MYCBPAP: variants seen among roughly 807,000 people sequenced by gnomAD.
MYCBPAP encodes the protein MYCBP associated protein, also known as MYCBP-associated protein.
A neutral mutation model predicts 106.1 loss-of-function variants in MYCBPAP; 60 were observed. The ratio of observed to expected loss-of-function variants is 0.57; its 90% CI spans 0.46 to 0.70. The LOEUF (loss-of-function observed/expected upper bound fraction) is 0.70. MYCBPAP is among the 30% of genes least tolerant of loss of function. The pLI is 0.00. For synonymous variants in MYCBPAP, 407 were observed against 440.6 expected, an observed-to-expected ratio of 0.92 and a Z score of 0.95; for missense variants, 1,064 against 1,169.3, an observed-to-expected ratio of 0.91 and a Z score of 1.31.
intron 16 of MYCBPAP, 88 bp from the exon 17 acceptor site, chr17:50,528,607 C>T: frequency 1.4e-5 from 22 of 1,526,432 alleles, no homozygotes; most frequent in Non-Finnish European, 1.5e-5. Flanking sequence ...CTTTGCTTTT[C>T]CACCTCCCCT....
At chr17:50,526,300 G>T in intron 14 of MYCBPAP, 33 bp downstream of exon 14, 1 of 1,544,422 alleles carries the variant, frequency 6.5e-7, no homozygotes, top group East Asian at 2.2e-5. Flanking sequence ...CAATGGTAGA[G>T]AATATTCCTG....
chr17:50,522,263 G>C (rs1044499601), intron 10 of MYCBPAP, 182 bp downstream of exon 10: 2 of 527,580 alleles, frequency 3.8e-6, no homozygotes, highest in Non-Finnish European at 6.9e-6. Flanking sequence ...TCACAAGGCT[G>C]CGAGTGTCAT....
chr17:50,510,533 A>ATATATG (rs1567879382), intron 1 of MYCBPAP: 1 of 130,918 alleles, frequency 7.6e-6, no homozygotes, highest in Non-Finnish European at 1.6e-5. Flanking sequence ...ATATATATAT[A>ATATATG]TATGTATTTT....
At position 50,508,962 on chromosome 17, in the gene MYCBPAP, G is replaced by A. The variant is rs1038439132; in HGVS notation, c.76+212G>A. 4.3e-6 allele frequency: 3 copies of A among 704,914 alleles called. No homozygotes were observed. The African/African-American group carries it at 5.2e-5, about 12-fold the overall frequency. The allele number at this position is 704,914 out of a possible 1,614,324, so 43.7% of individuals were successfully genotyped here. On this transcript the variant is annotated intron_variant, in intron 1 of 18. Transcript: ENST00000323776. ...ACTGGGCCTTGGGGATGGGGACATA[G>A]GAAGTGGGAGACTGACAGAGGGGCC...
chr17:50,512,086 C>T (rs917181214), intron 1 of MYCBPAP, among the ~76,000 whole-genome samples: 1 of 145,610 alleles, frequency 6.9e-6, no homozygotes, highest in South Asian at 2.2e-4. Flanking sequence ...GAGTCTTGCT[C>T]TGTCGCCCAG....
intron 7 of MYCBPAP, 120 bp downstream of exon 7, chr17:50,519,907 C>A: frequency 8.5e-7 from 1 of 1,173,282 alleles, no homozygotes; most frequent in Non-Finnish European, 1.2e-6. Flanking sequence ...CTCTGTGGTT[C>A]TCTGGGGTCT....
At chr17:50,524,299 C>T (rs1420270933) in intron 12 of MYCBPAP, among the ~76,000 whole-genome samples, 8 of 152,184 alleles carry the variant, frequency 5.3e-5, no homozygotes, top group Non-Finnish European at 1.2e-4. Flanking sequence ...CCATTTGAGC[C>T]GTGCATCCTG....
Position 50,525,659 on chromosome 17 carries a change from C to CTCTT in MYCBPAP, c.1783-221_1783-220insCTTT, listed in dbSNP as rs57947501. Among the ~76,000 whole-genome samples the CTCTT allele has an allele frequency of 1.9e-3, 251 of 131,370 alleles. 16 individuals are homozygous for CTCTT. The highest frequency in any genetic ancestry group is 8.1e-3 in the Middle Eastern group (2 of 246). The allele number at this position is 131,370 out of a possible 152,430, so 86.2% of individuals were successfully genotyped here. ...ACATCACCATGCTCAGCTAATTTCT[C>CTCTT]TTTTTTTTTTTGGTAGAGATAGGAT... is the stretch of plus-strand genomic sequence containing the variant. On this transcript the variant is annotated intron_variant, in intron 13 of 18. Transcript: ENST00000323776.
Position 50,516,712 on chromosome 17 carries a change from C to T in MYCBPAP, c.204+15C>T, listed in dbSNP as rs1567884688. On this transcript the variant is annotated intron_variant, in intron 2 of 18. Coordinates refer to ENST00000323776, the MANE Select transcript of MYCBPAP (RefSeq NM_032133.6). ...ACTTGAAGGAGGTGAGGATGAAGCCCAAGCTTCCCTTACCATAGAAACGTT... is the reference window on the plus strand; with the variant it reads ...ACTTGAAGGAGGTGAGGATGAAGCCTAAGCTTCCCTTACCATAGAAACGTT... The T allele has an allele frequency of 2.5e-6, 4 of 1,613,410 alleles. No individual in the cohort carries two copies. The highest frequency in any genetic ancestry group is 1.7e-6 in the Non-Finnish European group (2 of 1,179,696).
chr17:50,512,639 CTA>C (rs2143899469), intron 1 of MYCBPAP, among the ~76,000 whole-genome samples: 1 of 152,292 alleles, frequency 6.6e-6, no homozygotes, highest in South Asian at 2.1e-4. Flanking sequence ...ACTCCTCTAG[CTA>C]TGATTGGTGT....
chr17:50,521,943 G>A, intron 9 of MYCBPAP, 30 bp from the exon 10 acceptor site: 1 of 1,603,266 alleles, frequency 6.2e-7, no homozygotes, highest in Non-Finnish European at 8.5e-7. Context: ...GGCAGCCTAA[G>A]AGAAAATAAG....
chr17:50,522,804 A>G, intron 10 of MYCBPAP, 135 bp from the exon 11 acceptor site: 1 of 732,156 alleles, frequency 1.4e-6, no homozygotes, highest in Admixed American at 2.9e-5. Context: ...TCTGTGTGAC[A>G]GTGGCCAAGC....
chr17:50,510,692 ATTTTTTT>A (rs56894700), intron 1 of MYCBPAP, among the ~76,000 whole-genome samples: 11 of 111,160 alleles, frequency 9.9e-5, no homozygotes, highest in Non-Finnish European at 1.2e-4. Context: ...TGCCTGGCAA[ATTTTTTT>A]TTTTTTTTTT....
At chr17:50,527,469 C>A in intron 15 of MYCBPAP, 61 bp downstream of exon 15, 1 of 1,599,724 alleles carries the variant, frequency 6.3e-7, no homozygotes, top group South Asian at 1.1e-5. Context: ...TGCAGGGGTC[C>A]TGGGCAGGCA....
intron 7 of MYCBPAP, 49 bp from the exon 8 acceptor site, chr17:50,521,061 A>G: frequency 6.7e-7 from 1 of 1,485,212 alleles, no homozygotes; most frequent in Non-Finnish European, 9.3e-7. Context: ...TGGGTGAGCA[A>G]GGGGACATGG....
chr17:50,522,866 G>C (rs529685687), intron 10 of MYCBPAP, 73 bp from the exon 11 acceptor site: 1 of 1,489,500 alleles, frequency 6.7e-7, no homozygotes, highest in South Asian at 1.3e-5. Context: ...AAAAGTCCTG[G>C]GCAGACCAGA....
At position 50,528,757 on chromosome 17, in the gene MYCBPAP, C is replaced by T. The variant is rs141898450; in HGVS notation, c.2470C>T (p.Arg824Trp). The stretch of plus-strand genomic sequence containing the variant: ...TGTGGGGAAAGCTGGGAAGGAGGAG[C>T]GGAAAGGAGCAGCCCAGGAAAAGAA... ...VPVGKAGKEE[R>W]KGAAQEKKQL... Residue 824 changes from arginine to tryptophan, a missense_variant, in exon 17 of 19, where the codon CGG becomes TGG. Physicochemically the swap from Arg to Trp is moderately radical, Grantham distance 101. Transcript: ENST00000323776. The T allele has an allele frequency of 2.8e-4, 456 of 1,613,922 alleles. 5 individuals are homozygous for T. The East Asian group carries it at 3.0e-3, about 11-fold the overall frequency.
chr17:50,508,345 G>C (rs944947770), upstream of MYCBPAP: 5 of 486,424 alleles, frequency 1.0e-5, no homozygotes, highest in South Asian at 1.7e-4. Flanking sequence ...GCAACTCGCG[G>C]GGGTCCTCGC....
chr17:50,525,140 C>T (rs765028175), intron 13 of MYCBPAP, 117 bp downstream of exon 13: 4 of 1,273,462 alleles, frequency 3.1e-6, no homozygotes, highest in Non-Finnish European at 4.4e-6. Context: ...TGCCTGAGCT[C>T]TGCCTCCTGT....
Sources: gnomAD v4.1 joint callset for allele counts (sites outside exome capture counted in the v4.1 genomes callset) on GRCh38, gnomAD v4.1.1 for gene constraint, MANE v1.5 for transcripts, NCBI Gene and HGNC (gene_info 2026-07-23, HGNC 2026-07-21) for gene names.